Variants in AFF3 observed in about 807,000 individuals in gnomAD.
The protein encoded by AFF3 is AF4/FMR2 family member 3.
In AFF3, 32 loss-of-function variants were observed where a neutral mutation model predicts 129.7. The observed-to-expected ratio is 0.25, with a 90% CI of 0.19 to 0.33. The LOEUF (loss-of-function observed/expected upper bound fraction) is 0.33, where lower values mean the gene tolerates loss of function less well. Ranked by LOEUF, AFF3 falls within the 10% of genes least tolerant of loss-of-function variation. The pLI is 1.00. For missense variants in AFF3, 1,373 were observed against 1,592.0 expected, an observed-to-expected ratio of 0.86 and a Z score of 2.34; for synonymous variants, 644 against 635.4, an observed-to-expected ratio of 1.01 and a Z score of -0.20.
chr2:99,641,652 T>C (rs1397007960), intron 13 of AFF3, among the ~76,000 whole-genome samples: 13 of 152,156 alleles, frequency 8.5e-5, no homozygotes, highest in Admixed American at 8.5e-4. Context: ...TACTCCAGCC[T>C]GGGCAACAGA....
At chr2:99,985,954 A>T (rs1679817940) in intron 7 of AFF3, among the ~76,000 whole-genome samples, 1 of 152,126 alleles carries the variant, frequency 6.6e-6, no homozygotes, top group African/African-American at 2.4e-5. Context: ...TAATCCCAGC[A>T]CTTTGGGAGG....
In AFF3 at chr2:99,593,713, G is replaced by A. The variant is rs1476255226; in HGVS notation, c.1948C>T (p.Arg650Cys). The A allele has an allele frequency of 6.2e-7, 1 of 1,610,480 alleles. No individual in the cohort carries two copies. Among genetic ancestry groups the A allele is most frequent in the Non-Finnish European group, 8.5e-7 (1 of 1,178,084 alleles). ...ATCCTGCTTAGCCCCCGCGTGCGGCGCTTCTCGCAGGTCACGGAGGAGCGC... is the reference window on the plus strand; with the variant it reads ...ATCCTGCTTAGCCCCCGCGTGCGGCACTTCTCGCAGGTCACGGAGGAGCGC... ...ELRSSVTCEK[R>C]RTRGLSRIVP... The change falls in exon 15 of 25, where the codon CGC becomes TGC. Residue 650 changes from arginine (R) to cysteine (C), a missense_variant. This residue lies in a region of AFF3 where 466 missense variants were observed against 505.0 expected (regional missense o/e 0.92). Transcript: ENST00000672756.
At chr2:99,581,374 C>CA (rs35944060) in intron 17 of AFF3, among the ~76,000 whole-genome samples, 2 of 152,168 alleles carry the variant, frequency 1.3e-5, no homozygotes, top group East Asian at 3.9e-4. Flanking sequence ...TGAGGGTGCA[C>CA]AAAAAAGGTT....
At position 99,712,521 on chromosome 2, in the gene AFF3, G is replaced by T. The variant is rs897844607; in HGVS notation, c.1091+14556C>A. On this transcript the variant is annotated intron_variant, in intron 11 of 24. Coordinates refer to ENST00000672756, the MANE Select transcript of AFF3 (RefSeq NM_001386135.1). ...TTTGGCACAAAGCATCTCAGAAGTT[G>T]GTCAGTAACCTCTACTGTGTTTTGT... 5.3e-5 allele frequency among the ~76,000 whole-genome samples: 8 copies of T among 152,298 alleles called. No individual in the cohort carries two copies. The South Asian group carries it at 1.7e-3, about 32-fold the overall frequency.
intron 12 of AFF3, among the ~76,000 whole-genome samples, chr2:99,657,297 C>T (rs1260598749): frequency 2.0e-5 from 3 of 152,218 alleles, no homozygotes; most frequent in Admixed American, 2.0e-4. Flanking sequence ...GTCTAGCTCA[C>T]CCTTTGTGTT....
intron 13 of AFF3, among the ~76,000 whole-genome samples, chr2:99,619,217 T>G (rs1247478902): frequency 2.0e-5 from 3 of 152,212 alleles, no homozygotes; most frequent in Non-Finnish European, 4.4e-5. Flanking sequence ...TCTCCTGTGT[T>G]TAAAGCAAAT....
intron 8 of AFF3, among the ~76,000 whole-genome samples, chr2:99,818,982 G>C (rs1261233462): frequency 6.6e-6 from 1 of 152,124 alleles, no homozygotes; most frequent in East Asian, 1.9e-4. Flanking sequence ...TGTATTTAAA[G>C]AGATAAAAAG....
At chr2:99,684,011 T>C (rs556977519) in intron 11 of AFF3, among the ~76,000 whole-genome samples, 44 of 152,300 alleles carry the variant, frequency 2.9e-4, no homozygotes, top group African/African-American at 7.9e-4. Context: ...CCCAGTGTCC[T>C]TCCAAATTTA....
At chr2:99,772,653 T>C (rs1029084240) in intron 8 of AFF3, among the ~76,000 whole-genome samples, 1 of 152,214 alleles carries the variant, frequency 6.6e-6, no homozygotes, top group Non-Finnish European at 1.5e-5. Context: ...TGAAGTGATA[T>C]GGCTAAGCCT....
chr2:99,994,209 T>C (rs891058720), intron 7 of AFF3, among the ~76,000 whole-genome samples: 4 of 152,166 alleles, frequency 2.6e-5, no homozygotes, highest in African/African-American at 9.7e-5. Context: ...CTGAGACATA[T>C]TTTGGTTAAG....
rs1674386377 is a variant in AFF3 at position 99,551,276 on chromosome 2, TAC to T, written c.*196_*197del. 1 of 671,398 alleles carries T rather than the reference TAC, an allele frequency of 1.5e-6. No individual in the cohort carries two copies. The highest frequency in any genetic ancestry group is 2.7e-5 in the East Asian group (1 of 36,586). The allele number at this position is 671,398 out of a possible 1,614,324, so 41.6% of individuals were successfully genotyped here. On this transcript the variant is annotated 3_prime_UTR_variant, in exon 25 of 25. Coordinates refer to ENST00000672756, the MANE Select transcript of AFF3 (RefSeq NM_001386135.1). ...GTGTGTTCTGAAGAGCTGTGTATCTTACACACATACACAGGCGGCTTCTTATA... is the reference window on the plus strand; with the variant it reads ...GTGTGTTCTGAAGAGCTGTGTATCTTACACATACACAGGCGGCTTCTTATA...
At chr2:99,942,547 C>G (rs868031592) in intron 7 of AFF3, among the ~76,000 whole-genome samples, 364 of 59,228 alleles carry the variant, frequency 6.1e-3, no homozygotes, top group Non-Finnish European at 7.7e-3. Context: ...GGGGGAGGGG[C>G]GGGGGGGGGG....
intron 3 of AFF3, chr2:100,104,746 C>A (rs1313213021): frequency 6.9e-5 from 66 of 955,844 alleles, no homozygotes; most frequent in Non-Finnish European, 8.0e-5. Context: ...CCGCCCCCGG[C>A]CCTGCGCCCG....
chr2:100,142,495 C>T lies in AFF3; in HGVS notation c.-239G>A, dbSNP rs374486188. On this transcript the variant is annotated 5_prime_UTR_variant, in exon 1 of 25. Coordinates refer to ENST00000672756, the MANE Select transcript of AFF3 (RefSeq NM_001386135.1). ...CAGTTTGATCTTACCTCTCAGCTCCCGTTCCTTTTCTTTCTCTCCCCAGTA... is the reference window on the plus strand; with the variant it reads ...CAGTTTGATCTTACCTCTCAGCTCCTGTTCCTTTTCTTTCTCTCCCCAGTA... 1 of 152,378 alleles carries T rather than the reference C, an allele frequency of 6.6e-6. No homozygotes were observed. The highest frequency in any genetic ancestry group is 2.1e-4 in the South Asian group (1 of 4,830). The allele number at this position is 152,378 out of a possible 1,614,324, so 9.4% of individuals were successfully genotyped here. A position where few individuals can be genotyped will look rare whatever the true frequency, so the allele number is the denominator to read the frequency against.
chr2:99,939,959 A>C (rs997708699), intron 7 of AFF3, among the ~76,000 whole-genome samples: 1 of 152,208 alleles, frequency 6.6e-6, no homozygotes, highest in Non-Finnish European at 1.5e-5. Flanking sequence ...TTTAGATGAT[A>C]GTTAGATGTG....
chr2:99,953,257 C>A (rs536964872), intron 7 of AFF3, among the ~76,000 whole-genome samples: 1 of 152,264 alleles, frequency 6.6e-6, no homozygotes, highest in East Asian at 1.9e-4. Flanking sequence ...GGCACCTCTA[C>A]AACTCTAGAT....
At chr2:99,959,600 T>C (rs1330120396) in intron 7 of AFF3, among the ~76,000 whole-genome samples, 2 of 151,238 alleles carry the variant, frequency 1.3e-5, no homozygotes, top group Non-Finnish European at 2.9e-5. Context: ...AATCCCTCTG[T>C]TACACGTAAT....
chr2:99,612,072 C>T (rs1680987761), intron 13 of AFF3, among the ~76,000 whole-genome samples: 1 of 152,070 alleles, frequency 6.6e-6, no homozygotes, highest in African/African-American at 2.4e-5. Flanking sequence ...TTCCTCAGGC[C>T]CGAAGGCCCA....
chr2:99,552,273 C>A (rs1674482715), intron 24 of AFF3, among the ~76,000 whole-genome samples: 1 of 152,094 alleles, frequency 6.6e-6, no homozygotes, highest in Non-Finnish European at 1.5e-5. Flanking sequence ...ACCTGTAATC[C>A]CAGCTACTCC....
Sources: allele counts gnomAD v4.1 joint callset (sites outside exome capture counted in the v4.1 genomes callset), GRCh38; gene constraint gnomAD v4.1.1; regional missense constraint gnomAD v4.1.1; transcripts MANE v1.5; gene names NCBI Gene and HGNC (gene_info 2026-07-23, HGNC 2026-07-21).